Variants in PXDNL observed in about 807,000 individuals in gnomAD.
The protein encoded by PXDNL is probable oxidoreductase PXDNL.
Under a neutral mutation model 150.8 loss-of-function variants are expected in PXDNL, and 145 were observed. The ratio of observed to expected loss-of-function variants is 0.96; its 90% CI spans 0.84 to 1.10. PXDNL has a LOEUF of 1.10. Ranked by LOEUF, PXDNL falls within the 50% of genes least tolerant of loss-of-function variation. PXDNL has a pLI of 0.00. For missense variants in PXDNL, 2,087 were observed against 1,873.9 expected (o/e 1.11, Z -2.10); for synonymous variants, 757 against 725.7 (o/e 1.04, Z -0.69).
rs1298343129 is a variant in PXDNL, at chr8:51,426,700, T to C, written c.1584A>G (p.Ile528Met). 1 of 1,609,268 alleles carries C rather than the reference T, an allele frequency of 6.2e-7. No individual in the cohort carries two copies. Among genetic ancestry groups the C allele is most frequent in the Non-Finnish European group, 8.5e-7 (1 of 1,177,354 alleles). Residue 528 changes from isoleucine to methionine, a missense_variant, in exon 13 of 23, where the codon ATA becomes ATG. Physicochemically the swap from Ile to Met is conservative, Grantham distance 10 (BLOSUM62 1). Transcript: ENST00000356297. ...QDTSVEVGKN[I>M]NISCHAQGEP... is the part of the protein sequence containing the mutation. The stretch of plus-strand genomic sequence containing the variant: ...CTCCTTGAGCATGACATGAAATGTT[T>C]ATATTCTTTCCAACCTCGACACTTG...
chr8:51,788,880 G>A (rs542625575), intron 1 of PXDNL, among the ~76,000 whole-genome samples: 12 of 152,254 alleles, frequency 7.9e-5, no homozygotes, highest in South Asian at 2.1e-4. Context: ...CTTCAGTTCC[G>A]CACTAACTGC....
Position 51,697,484 on chromosome 8 carries a change from C to A in PXDNL, c.165-42724G>T, listed in dbSNP as rs925908600. Among the ~76,000 whole-genome samples, 12 of 152,086 alleles carry A rather than the reference C, an allele frequency of 7.9e-5. No homozygotes were observed. The South Asian group carries it at 2.5e-3, about 32-fold the overall frequency. The stretch of plus-strand genomic sequence containing the variant: ...AAGGATGTATGTCCAATGCCTGAAC[C>A]CTGCAGGCCAGGCAGTGAGCCAAGG... On this transcript the variant is annotated intron_variant, in intron 1 of 22. Transcript: ENST00000356297.
chr8:51,434,210 C>T (rs1809333175), intron 12 of PXDNL, among the ~76,000 whole-genome samples: 1 of 152,184 alleles, frequency 6.6e-6, no homozygotes, highest in South Asian at 2.1e-4. Flanking sequence ...AGAATCGATT[C>T]CAGCGTCTTT....
At chr8:51,601,925 A>G (rs116707517) in intron 2 of PXDNL, among the ~76,000 whole-genome samples, 1,726 of 152,094 alleles carry the variant, frequency 0.011, 14 homozygotes, top group South Asian at 0.026. Flanking sequence ...TAGTGGTGAC[A>G]AGTTCCCTTA....
chr8:51,377,411 C>T (rs1416118151), intron 17 of PXDNL, among the ~76,000 whole-genome samples: 1 of 152,194 alleles, frequency 6.6e-6, no homozygotes, highest in Non-Finnish European at 1.5e-5. Context: ...AGAGGCCACT[C>T]TGGCCGTGCT....
intron 6 of PXDNL, among the ~76,000 whole-genome samples, chr8:51,478,657 C>T (rs1231115542): frequency 6.6e-6 from 1 of 152,186 alleles, no homozygotes; most frequent in Non-Finnish European, 1.5e-5. Context: ...GGGCAGAATT[C>T]CCGCTGGTTT....
At chr8:51,388,429 G>A (rs890693437) in intron 17 of PXDNL, among the ~76,000 whole-genome samples, 1 of 152,014 alleles carries the variant, frequency 6.6e-6, no homozygotes, top group African/African-American at 2.4e-5. Flanking sequence ...GACACTTAAT[G>A]TAAGTGAAAA....
chr8:51,467,932 T>C (rs1339634405), intron 8 of PXDNL, among the ~76,000 whole-genome samples: 1 of 152,082 alleles, frequency 6.6e-6, no homozygotes, highest in Non-Finnish European at 1.5e-5. Flanking sequence ...TAAGTGCTGG[T>C]AATCATTTCA....
At chr8:51,593,385 T>C (rs917337829) in intron 2 of PXDNL, among the ~76,000 whole-genome samples, 5 of 152,176 alleles carry the variant, frequency 3.3e-5, no homozygotes, top group African/African-American at 1.2e-4. Context: ...TAAAATTTCT[T>C]TCAAATTTAA....
chr8:51,780,337 C>T (rs779586337), intron 1 of PXDNL, among the ~76,000 whole-genome samples: 1 of 152,104 alleles, frequency 6.6e-6, no homozygotes, highest in Admixed American at 6.5e-5. Flanking sequence ...CTGAAAATGC[C>T]ACCAAAATGA....
intron 8 of PXDNL, among the ~76,000 whole-genome samples, chr8:51,470,386 G>C (rs1810300613): frequency 6.6e-6 from 1 of 151,782 alleles, no homozygotes; most frequent in African/African-American, 2.4e-5. Flanking sequence ...AAGCAAAAAA[G>C]TTGTATAATA....
rs116376953 is a variant in PXDNL at position 51,648,101 on chromosome 8, T to C, written c.236+6588A>G. 3.2e-3 allele frequency among the ~76,000 whole-genome samples: 486 copies of C among 152,314 alleles called. 3 individuals carry two copies. Among genetic ancestry groups the C allele is most frequent in the African/African-American group, 0.011 (458 of 41,566 alleles). On this transcript the variant is annotated intron_variant, in intron 2 of 22. Coordinates refer to ENST00000356297, the MANE Select transcript of PXDNL (RefSeq NM_144651.5). ...CTCAAAAGTAGGGTGTCTAAATATA[T>C]GTCACTCTTACAGTACAACTACTAT...
At chr8:51,744,251 A>T (rs1446088940) in intron 1 of PXDNL, among the ~76,000 whole-genome samples, 1 of 145,224 alleles carries the variant, frequency 6.9e-6, no homozygotes, top group African/African-American at 2.5e-5. Context: ...AAGAGAGGAA[A>T]AGAAAGAAAA....
At chr8:51,493,619 A>G in intron 5 of PXDNL, among the ~76,000 whole-genome samples, 1 of 152,236 alleles carries the variant, frequency 6.6e-6, no homozygotes, top group Admixed American at 6.5e-5. Flanking sequence ...AAGGCACAAG[A>G]ACTACATGAC....
At chr8:51,405,685 A>G (rs1808416681) in intron 17 of PXDNL, among the ~76,000 whole-genome samples, 1 of 152,232 alleles carries the variant, frequency 6.6e-6, no homozygotes, top group Non-Finnish European at 1.5e-5. Context: ...TTTTGCACTC[A>G]TAGTTGAATG....
At chr8:51,606,313 T>A (rs77717373) in intron 2 of PXDNL, among the ~76,000 whole-genome samples, 1,731 of 152,288 alleles carry the variant, frequency 0.011, 14 homozygotes, top group South Asian at 0.025. Context: ...TGAAACATGA[T>A]TTTATCTCTC....
Position 51,409,545 on chromosome 8 carries a change from G to C in PXDNL, c.2079C>G (p.Asp693Glu), listed in dbSNP as rs770921305. ...GGCTGAGGGAGCGCGGGGACACCAA[G>C]TCATTGTACCGGAATTCTGAAAGGC... ...DLEGKEFRYNDLVSPRSLSLI... is the reference protein window; with the variant it reads ...DLEGKEFRYNELVSPRSLSLI... Residue 693 changes from aspartate (D) to glutamate (E), a missense_variant, in exon 17 of 23, where the codon GAC (aspartate) becomes GAG (glutamate). Physicochemically the swap from Asp to Glu is conservative, Grantham distance 45 (BLOSUM62 2). Transcript: ENST00000356297. 4 of 1,586,794 alleles carry C rather than the reference G, an allele frequency of 2.5e-6. No homozygotes were observed. The highest frequency in any genetic ancestry group is 3.4e-6 in the Non-Finnish European group (4 of 1,165,228).
intron 1 of PXDNL, among the ~76,000 whole-genome samples, chr8:51,771,546 C>G (rs968233784): frequency 3.3e-5 from 5 of 152,172 alleles, no homozygotes; most frequent in African/African-American, 1.2e-4. Context: ...GACCCCTATC[C>G]TTGGGGGCAA....
chr8:51,621,943 C>CAAAAAAAA, intron 2 of PXDNL, among the ~76,000 whole-genome samples: 1 of 128,208 alleles, frequency 7.8e-6, no homozygotes, highest in Non-Finnish European at 1.7e-5. Flanking sequence ...GACCCTGTCT[C>CAAAAAAAA]AAAAAAAAAA....
Sources: allele counts gnomAD v4.1 joint callset (sites outside exome capture counted in the v4.1 genomes callset), GRCh38; gene constraint gnomAD v4.1.1; transcripts MANE v1.5; gene names NCBI Gene and HGNC (gene_info 2026-07-23, HGNC 2026-07-21).